Variants in GRIK4 observed in about 807,000 individuals in gnomAD.
The protein encoded by GRIK4 is glutamate ionotropic receptor kainate type subunit 4, also known as glutamate receptor ionotropic, kainate 4.
GRIK4 carries 40 observed loss-of-function variants against 104.9 expected under a neutral mutation model. The observed-to-expected ratio is 0.38, with a 90% CI of 0.30 to 0.50. The LOEUF is 0.50. Among genes scored for constraint, GRIK4 ranks in the 20% least tolerant of loss-of-function variants. GRIK4 has a pLI of 0.93. For synonymous variants in GRIK4, 485 were observed against 524.9 expected (o/e 0.92, Z 1.04); for missense variants, 1,047 against 1,308.1 (o/e 0.80, Z 3.08).
intron 3 of GRIK4, among the ~76,000 whole-genome samples, chr11:120,745,473 A>C (rs1471770165): frequency 6.6e-6 from 1 of 152,156 alleles, no homozygotes; most frequent in East Asian, 1.9e-4. Flanking sequence ...TTGTCCTCTA[A>C]TGTACTATCA....
At chr11:120,604,588 CAG>C (rs1252546569) in intron 1 of GRIK4, among the ~76,000 whole-genome samples, 7 of 152,142 alleles carry the variant, frequency 4.6e-5, no homozygotes, top group South Asian at 4.1e-4. Context: ...CAAATACAGA[CAG>C]GGGAGGATTT....
At chr11:120,979,902 G>A (rs12576113) in intron 19 of GRIK4, among the ~76,000 whole-genome samples, 5 of 152,230 alleles carry the variant, frequency 3.3e-5, no homozygotes, top group African/African-American at 7.2e-5. Context: ...GCACGATGTC[G>A]GATCAAGTGG....
chr11:120,875,798 A>AT (rs1954771589), intron 11 of GRIK4, among the ~76,000 whole-genome samples: 1 of 152,012 alleles, frequency 6.6e-6, no homozygotes. Context: ...TCCTTTGCTC[A>AT]TTCTCCGCCA....
At chr11:120,893,676 G>C (rs937165211) in intron 11 of GRIK4, among the ~76,000 whole-genome samples, 15 of 152,206 alleles carry the variant, frequency 9.9e-5, no homozygotes, top group African/African-American at 2.7e-4. Context: ...AGAGTCCGTT[G>C]TACACATCCG....
At chr11:120,628,275 G>A (rs1949286112) in intron 1 of GRIK4, among the ~76,000 whole-genome samples, 1 of 152,198 alleles carries the variant, frequency 6.6e-6, no homozygotes, top group African/African-American at 2.4e-5. Context: ...AGATTGGAGT[G>A]CTATTTTCTT....
intron 3 of GRIK4, among the ~76,000 whole-genome samples, chr11:120,739,152 T>C (rs1951281940): frequency 6.6e-6 from 1 of 152,236 alleles, no homozygotes; most frequent in African/African-American, 2.4e-5. Context: ...TGTAGCCACC[T>C]GCCCTGCCCA....
At chr11:120,627,042 G>A (rs947918955) in intron 1 of GRIK4, among the ~76,000 whole-genome samples, 2 of 152,182 alleles carry the variant, frequency 1.3e-5, no homozygotes, top group African/African-American at 2.4e-5. Flanking sequence ...CGTAGCAGGC[G>A]GGCCTGGCCC....
chr11:120,727,131 G>A (rs1951042305), intron 3 of GRIK4, among the ~76,000 whole-genome samples: 2 of 152,176 alleles, frequency 1.3e-5, no homozygotes. Context: ...ACTGCAGTTG[G>A]GAGGGGTTTG....
chr11:120,663,924 C>T (rs1268091595), intron 3 of GRIK4, among the ~76,000 whole-genome samples: 1 of 152,204 alleles, frequency 6.6e-6, no homozygotes, highest in Admixed American at 6.5e-5. Flanking sequence ...TCCTACCATT[C>T]CCCCATTCCC....
intron 3 of GRIK4, among the ~76,000 whole-genome samples, chr11:120,704,496 G>A (rs1354528795): frequency 6.6e-6 from 1 of 152,184 alleles, no homozygotes; most frequent in Admixed American, 6.5e-5. Context: ...TTCGAAGCCT[G>A]CACGTAATTT....
Position 120,956,741 on chromosome 11 carries a change from G to C in GRIK4, c.1701-39G>C. The C allele has an allele frequency of 6.9e-7, 1 of 1,440,980 alleles. No individual in the cohort carries two copies. Among genetic ancestry groups the C allele is most frequent in the Non-Finnish European group, 9.3e-7 (1 of 1,076,152 alleles). The allele number at this position is 1,440,980 out of a possible 1,614,324, so 89.3% of individuals were successfully genotyped here. On this transcript the variant is annotated intron_variant, in intron 15 of 20. Coordinates refer to ENST00000527524, the MANE Select transcript of GRIK4 (RefSeq NM_014619.5). The surrounding 1 kb of genome is among the most constrained non-coding windows in gnomAD (Gnocchi z 4.6). ...GCCTGCCTGTGTCCCTTCACACCCC[G>C]CCTCTGTGGCACTAGTGTATGTTCC... is the stretch of plus-strand genomic sequence containing the variant.
intron 12 of GRIK4, among the ~76,000 whole-genome samples, chr11:120,899,670 G>C (rs1236697570): frequency 1.3e-5 from 2 of 152,126 alleles, no homozygotes; most frequent in African/African-American, 4.8e-5. Flanking sequence ...CTTCCCCTCT[G>C]AAGACCTTAT....
In GRIK4 at chr11:120,940,424, G is replaced by A; in HGVS notation, c.1554G>A (p.Met518Ile). ...EKVIDFSKPF[M>I]TLGISILYRV... ...TGATTGATTTCTCTAAGCCATTCAT[G>A]ACTCTGGGAATTAGCATTCTTTACC... The change falls in exon 14 of 21, where the codon ATG becomes ATA. Residue 518 changes from methionine (M) to isoleucine (I), a missense_variant. This residue lies in a region of GRIK4 where 440 missense variants were observed against 652.3 expected (regional missense o/e 0.67). Transcript: ENST00000527524. The surrounding 1 kb of genome is among the most constrained non-coding windows in gnomAD (Gnocchi z 4.3). The A allele has an allele frequency of 6.2e-7, 1 of 1,612,444 alleles. No homozygotes were observed. The highest frequency in any genetic ancestry group is 8.5e-7 in the Non-Finnish European group (1 of 1,178,496).
intron 3 of GRIK4, among the ~76,000 whole-genome samples, chr11:120,774,813 C>T (rs1344733984): frequency 6.6e-6 from 1 of 152,078 alleles, no homozygotes; most frequent in African/African-American, 2.4e-5. Context: ...TGGTTAAGTC[C>T]GTTGACAAGG....
At chr11:120,962,230 A>T (rs1468040264) in intron 17 of GRIK4, among the ~76,000 whole-genome samples, 2 of 152,142 alleles carry the variant, frequency 1.3e-5, no homozygotes, top group Non-Finnish European at 2.9e-5. Context: ...TTGCTTCCTC[A>T]TCTTTCTATA....
intron 1 of GRIK4, among the ~76,000 whole-genome samples, chr11:120,602,968 G>C (rs753544124): frequency 5.9e-5 from 9 of 152,206 alleles, no homozygotes; most frequent in Admixed American, 2.6e-4. Flanking sequence ...CTCCCAAAGT[G>C]TTGGGATTAC....
chr11:120,922,275 C>T (rs1157226082), intron 13 of GRIK4, among the ~76,000 whole-genome samples: 1 of 152,214 alleles, frequency 6.6e-6, no homozygotes, highest in Non-Finnish European at 1.5e-5. Context: ...GATCACGTGG[C>T]TGGGAAGTGG....
chr11:120,681,582 A>C (rs1308912769), intron 3 of GRIK4, among the ~76,000 whole-genome samples: 2 of 152,196 alleles, frequency 1.3e-5, no homozygotes, highest in African/African-American at 2.4e-5. Flanking sequence ...CTGTTCACTC[A>C]GTTTGATGCA....
intron 1 of GRIK4, among the ~76,000 whole-genome samples, chr11:120,612,584 C>G (rs79447902): frequency 2.0e-5 from 3 of 151,908 alleles, no homozygotes; most frequent in African/African-American, 7.3e-5. Flanking sequence ...TATGATGAAA[C>G]GTATAGCATG....
Sources: allele counts gnomAD v4.1 joint callset (sites outside exome capture counted in the v4.1 genomes callset), GRCh38; gene constraint gnomAD v4.1.1; regional missense constraint gnomAD v4.1.1; non-coding constraint Gnocchi (gnomAD v3.1); transcripts MANE v1.5; gene names NCBI Gene and HGNC (gene_info 2026-07-23, HGNC 2026-07-21).